Variants in PCDHB11 observed in about 807,000 individuals in gnomAD.
PCDHB11 encodes protocadherin beta 11.
For missense variants in PCDHB11, 1,151 were observed against 1,003.4 expected (o/e 1.15, Z -1.99); for synonymous variants, 522 against 442.0 (o/e 1.18, Z -2.27).
Position 141,201,223 on chromosome 5 carries a change from C to T in PCDHB11, c.1449C>T (p.Asn483=), listed in dbSNP as rs1281698776. 2.5e-6 allele frequency: 4 copies of T among 1,613,250 alleles called. No homozygotes were observed. The highest frequency in any genetic ancestry group is 3.8e-4 in the Middle Eastern group (2 of 5,270). ...CTACAGACAGAGACTCAGGCACCAACGCCCAGGTCAACTACTCGCTACTCC... is the reference window on the plus strand; with the variant it reads ...CTACAGACAGAGACTCAGGCACCAATGCCCAGGTCAACTACTCGCTACTCC... ...VSATDRDSGT[N]AQVNYSLLPP... The change falls in exon 1 of 1, where the codon AAC becomes AAT. Residue 483 remains asparagine, a synonymous_variant. Transcript: ENST00000354757.
rs201273170 is a variant in PCDHB11, at chr5:141,201,872, C to A, written c.2098C>A (p.Leu700Ile). The A allele has an allele frequency of 6.2e-7, 1 of 1,611,710 alleles. No homozygotes were observed. The highest frequency in any genetic ancestry group is 1.3e-5 in the African/African-American group (1 of 74,900). Residue 700 changes from leucine (L) to isoleucine (I), a missense_variant, in exon 1 of 1, where the codon CTC (leucine) becomes ATC (isoleucine). Physicochemically the swap from Leu to Ile is conservative, Grantham distance 5. Transcript: ENST00000354757. ...LVVALASVSS[L>I]FLFSVLLFVA... The stretch of plus-strand genomic sequence containing the variant: ...GGTGGCGTTGGCCTCGGTGTCTTCG[C>A]TCTTCCTCTTCTCGGTGCTCCTGTT...
Position 141,200,506 on chromosome 5 carries a change from G to A in PCDHB11, c.732G>A (p.Gln244=), listed in dbSNP as rs782615074. 19 of 1,614,138 alleles carry A rather than the reference G, an allele frequency of 1.2e-5. No individual in the cohort carries two copies. In the East Asian group the frequency reaches 3.6e-4, roughly 30 times the overall value. The change falls in exon 1 of 1, where the codon CAG becomes CAA. Residue 244 remains glutamine (Q), a synonymous_variant. Transcript: ENST00000354757. ...DINDNSPEFE[Q]AFYEVKIREN... ...ATGACAACTCCCCTGAATTTGAGCAGGCTTTTTATGAGGTGAAGATTCGGG... is the reference window on the plus strand; with the variant it reads ...ATGACAACTCCCCTGAATTTGAGCAAGCTTTTTATGAGGTGAAGATTCGGG...
rs782356913 is a variant in PCDHB11 at position 141,199,852 on chromosome 5, G to A, written c.78G>A (p.Ala26=). The A allele has an allele frequency of 8.1e-6, 13 of 1,614,036 alleles. No individual in the cohort carries two copies. The East Asian group carries it at 2.2e-4, about 28-fold the overall frequency. ...TTGTTTTGCTCGGAATGTCTCAGGC[G>A]GGCTCTGAAACCTGGAGCTTTTCTG... The part of the protein sequence containing the change: ...LLFVLLGMSQ[A]GSETWSFSVA... The change falls in exon 1 of 1, where the codon GCG becomes GCA. Residue 26 remains alanine (A), a synonymous_variant. Coordinates refer to ENST00000354757, the MANE Select transcript of PCDHB11 (RefSeq NM_018931.3).
rs1754114947 is a variant in PCDHB11 at position 141,199,681 on chromosome 5, A to G, written c.-94A>G. ...GACCTGGAAACCATTCAACAGGGTT[A>G]AAATCCTTAGACCACAGAGGATTTG... On this transcript the variant is annotated 5_prime_UTR_variant, in exon 1 of 1. Transcript: ENST00000354757. The G allele has an allele frequency of 1.8e-6, 2 of 1,129,194 alleles. No homozygotes were observed. The highest frequency in any genetic ancestry group is 5.2e-5 in the Admixed American group (2 of 38,760). The allele number at this position is 1,129,194 out of a possible 1,614,324, so 69.9% of individuals were successfully genotyped here.
chr5:141,201,265 C>A lies in PCDHB11; in HGVS notation c.1491C>A (p.His497Gln), dbSNP rs1554285545. 2.5e-6 allele frequency: 4 copies of A among 1,613,490 alleles called. No homozygotes were observed. In the South Asian group the frequency reaches 4.4e-5, roughly 18 times the overall value. Reference protein sequence around the residue: ...NYSLLPPQDLHLPLASLVSIN... With the variant: ...NYSLLPPQDLQLPLASLVSIN... ...CGCTACTCCCGCCCCAGGACCTGCA[C>A]CTGCCCCTCGCCTCCCTGGTCTCCA... The change falls in exon 1 of 1, where the codon CAC (histidine) becomes CAA (glutamine). Residue 497 changes from histidine (H) to glutamine (Q), a missense_variant. Physicochemically the swap from His to Gln is conservative, Grantham distance 24. Coordinates refer to ENST00000354757, the MANE Select transcript of PCDHB11 (RefSeq NM_018931.3).
In PCDHB11 at chr5:141,201,904, G is replaced by T; in HGVS notation, c.2130G>T (p.Ala710=). 1 of 1,612,642 alleles carries T rather than the reference G, an allele frequency of 6.2e-7. No individual in the cohort carries two copies. Among genetic ancestry groups the T allele is most frequent in the South Asian group, 1.1e-5 (1 of 91,018 alleles). ...LFLFSVLLFV[A]VRLCRRSRAA... is the part of the protein sequence containing the mutation. Reference sequence around the variant, plus strand: ...TCTTCTCGGTGCTCCTGTTCGTGGCGGTGCGGCTGTGCAGGAGGAGCAGGG... The same window carrying T: ...TCTTCTCGGTGCTCCTGTTCGTGGCTGTGCGGCTGTGCAGGAGGAGCAGGG... The change falls in exon 1 of 1, where the codon GCG becomes GCT. Residue 710 remains alanine (A), a synonymous_variant. Transcript: ENST00000354757.
rs367636860 is a variant in PCDHB11 at position 141,202,185 on chromosome 5, A to G, written c.*17A>G. 94 of 1,569,954 alleles carry G rather than the reference A, an allele frequency of 6.0e-5. 1 individual carries two copies. The Middle Eastern group carries it at 8.6e-4, about 14-fold the overall frequency. On this transcript the variant is annotated 3_prime_UTR_variant, in exon 1 of 1. Coordinates refer to ENST00000354757, the MANE Select transcript of PCDHB11 (RefSeq NM_018931.3). ...AATTTTTAGTAAGAATGCTATTTAC[A>G]TTTGCATGTACTTTTTTAGTTTTAT... is the stretch of plus-strand genomic sequence containing the variant.
chr5:141,200,147 G>T lies in PCDHB11; in HGVS notation c.373G>T (p.Asp125Tyr). ...QFLQIELQVR[D>Y]INDHSPIFSE... ...TTTACAAATTGAGCTTCAGGTCAGG[G>T]ATATAAATGATCACTCTCCCATCTT... The change falls in exon 1 of 1, where the codon GAT (aspartate) becomes TAT (tyrosine). Residue 125 changes from aspartate (D) to tyrosine (Y), a missense_variant. Coordinates refer to ENST00000354757, the MANE Select transcript of PCDHB11 (RefSeq NM_018931.3). 6.2e-7 allele frequency: 1 copy of T among 1,614,108 alleles called. No homozygotes were observed. Among genetic ancestry groups the T allele is most frequent in the Non-Finnish European group, 8.5e-7 (1 of 1,180,034 alleles).
chr5:141,201,362 C>T lies in PCDHB11; in HGVS notation c.1588C>T (p.Arg530Cys), dbSNP rs782123077. 5.9e-5 allele frequency: 95 copies of T among 1,612,830 alleles called. No individual in the cohort carries two copies. The highest frequency in any genetic ancestry group is 1.0e-4 in the Admixed American group (6 of 60,000). ...CGAGGCCCTGCAGGCTTTCGACTTCCGCGTGGGCGCCACAGACCGCGGCTC... is the reference window on the plus strand; with the variant it reads ...CGAGGCCCTGCAGGCTTTCGACTTCTGCGTGGGCGCCACAGACCGCGGCTC... ...DYEALQAFDF[R>C]VGATDRGSPA... Residue 530 changes from arginine to cysteine, a missense_variant, in exon 1 of 1, where the codon CGC (arginine) becomes TGC (cysteine). Arg to Cys is a radical substitution (Grantham distance 180). Coordinates refer to ENST00000354757, the MANE Select transcript of PCDHB11 (RefSeq NM_018931.3).
Position 141,199,719 on chromosome 5 carries a change from G to C in PCDHB11, c.-56G>C. ...CACAGAGGATTTGGTGGACAAGTCA[G>C]AGACGCGTTCCGCAGAGCTGAAGCC... is the stretch of plus-strand genomic sequence containing the variant. On this transcript the variant is annotated 5_prime_UTR_variant, in exon 1 of 1. Transcript: ENST00000354757. 6.7e-7 allele frequency: 1 copy of C among 1,494,926 alleles called. No individual in the cohort carries two copies. Among genetic ancestry groups the C allele is most frequent in the South Asian group, 1.2e-5 (1 of 80,750 alleles). 92.6% of individuals were successfully genotyped at this position (1,494,926 alleles called of 1,614,324 possible).
In PCDHB11 at chr5:141,201,880, C is replaced by T; in HGVS notation, c.2106C>T (p.Leu702=). 1 of 1,612,334 alleles carries T rather than the reference C, an allele frequency of 6.2e-7. No individual in the cohort carries two copies. The highest frequency in any genetic ancestry group is 8.5e-7 in the Non-Finnish European group (1 of 1,179,890). Residue 702 remains leucine, a synonymous_variant, in exon 1 of 1, where the codon CTC becomes CTT. Transcript: ENST00000354757. ...VALASVSSLF[L]FSVLLFVAVR... ...TGGCCTCGGTGTCTTCGCTCTTCCTCTTCTCGGTGCTCCTGTTCGTGGCGG... is the reference window on the plus strand; with the variant it reads ...TGGCCTCGGTGTCTTCGCTCTTCCTTTTCTCGGTGCTCCTGTTCGTGGCGG...
chr5:141,200,394 A>G lies in PCDHB11; in HGVS notation c.620A>G (p.Glu207Gly). The change falls in exon 1 of 1, where the codon GAG becomes GGG. Residue 207 changes from glutamate to glycine, a missense_variant. By Grantham distance (98) the Glu-to-Gly change is moderately conservative. Transcript: ENST00000354757. ...DKALDYEELPELSFILSALDG... is the reference protein window; with the variant it reads ...DKALDYEELPGLSFILSALDG... ...GCGCTGGATTATGAAGAGCTCCCGGAGCTCAGTTTCATCCTCTCTGCTCTG... is the reference window on the plus strand; with the variant it reads ...GCGCTGGATTATGAAGAGCTCCCGGGGCTCAGTTTCATCCTCTCTGCTCTG... The G allele has an allele frequency of 6.2e-7, 1 of 1,614,118 alleles. No individual in the cohort carries two copies. The highest frequency in any genetic ancestry group is 8.5e-7 in the Non-Finnish European group (1 of 1,180,030).
chr5:141,201,403 C>A lies in PCDHB11; in HGVS notation c.1629C>A (p.Ser543Arg), dbSNP rs782502744. ...ATDRGSPALS[S>R]EALVRVLVLD... ...ACCGCGGCTCCCCGGCTTTGAGCAG[C>A]GAGGCGCTGGTGCGCGTGCTGGTGC... The change falls in exon 1 of 1, where the codon AGC (serine) becomes AGA (arginine). Residue 543 changes from serine to arginine, a missense_variant. By Grantham distance (110) the Ser-to-Arg change is moderately radical. Transcript: ENST00000354757. 5.6e-6 allele frequency: 9 copies of A among 1,611,962 alleles called. No homozygotes were observed. In the African/African-American group the frequency reaches 1.1e-4, roughly 19 times the overall value.
At position 141,201,836 on chromosome 5, in the gene PCDHB11, G is replaced by T; in HGVS notation, c.2062G>T (p.Val688Phe). Residue 688 changes from valine to phenylalanine, a missense_variant, in exon 1 of 1, where the codon GTC becomes TTC. Val to Phe is a conservative substitution (Grantham distance 50). Coordinates refer to ENST00000354757, the MANE Select transcript of PCDHB11 (RefSeq NM_018931.3). ...CCAGGCCCAGGCCGACTCGCTCACCGTCTACTTGGTGGTGGCGTTGGCCTC... is the reference window on the plus strand; with the variant it reads ...CCAGGCCCAGGCCGACTCGCTCACCTTCTACTTGGTGGTGGCGTTGGCCTC... ...PAQAQADSLT[V>F]YLVVALASVS... 3 of 1,610,924 alleles carry T rather than the reference G, an allele frequency of 1.9e-6. No individual in the cohort carries two copies. The highest frequency in any genetic ancestry group is 2.5e-6 in the Non-Finnish European group (3 of 1,179,832).
chr5:141,200,784 T>C lies in PCDHB11; in HGVS notation c.1010T>C (p.Val337Ala), dbSNP rs1241589242. The change falls in exon 1 of 1, where the codon GTG becomes GCG. Residue 337 changes from valine (V) to alanine (A), a missense_variant. By Grantham distance (64) the Val-to-Ala change is moderately conservative. Coordinates refer to ENST00000354757, the MANE Select transcript of PCDHB11 (RefSeq NM_018931.3). ...LFGKSTVIIHVIDVNDNAPEI... is the reference protein window; with the variant it reads ...LFGKSTVIIHAIDVNDNAPEI... ...GGAAAATCTACAGTCATAATTCACG[T>C]GATAGATGTAAATGACAATGCTCCT... 1 of 1,614,100 alleles carries C rather than the reference T, an allele frequency of 6.2e-7. No homozygotes were observed. The highest frequency in any genetic ancestry group is 1.3e-5 in the African/African-American group (1 of 74,940).
Position 141,202,301 on chromosome 5 carries a change from ATTTTT to A in PCDHB11, c.*145_*149del. 1.5e-6 allele frequency: 1 copy of A among 671,386 alleles called. No homozygotes were observed. The highest frequency in any genetic ancestry group is 2.2e-6 in the Non-Finnish European group (1 of 449,098). The allele number at this position is 671,386 out of a possible 1,614,324, so 41.6% of individuals were successfully genotyped here. A position where few individuals can be genotyped will look rare whatever the true frequency, so the allele number is the denominator to read the frequency against. ...TTTTAATTTTTTCTTTTCTCCCCCAATTTTTTTTTTTTTTTTGAGACCGAGTCTCA... is the reference window on the plus strand; with the variant it reads ...TTTTAATTTTTTCTTTTCTCCCCCAATTTTTTTTTTTGAGACCGAGTCTCA... On this transcript the variant is annotated 3_prime_UTR_variant, in exon 1 of 1. Coordinates refer to ENST00000354757, the MANE Select transcript of PCDHB11 (RefSeq NM_018931.3).
chr5:141,200,283 A>T lies in PCDHB11; in HGVS notation c.509A>T (p.Tyr170Phe). Residue 170 changes from tyrosine to phenylalanine, a missense_variant, in exon 1 of 1, where the codon TAC becomes TTC. Coordinates refer to ENST00000354757, the MANE Select transcript of PCDHB11 (RefSeq NM_018931.3). ...GTAGGAATCAATGCTGTAAAAAGCT[A>T]CACAATAAGCCCCAACTCTCATTTT... is the stretch of plus-strand genomic sequence containing the variant. ...LDVGINAVKS[Y>F]TISPNSHFHI... The T allele has an allele frequency of 6.2e-7, 1 of 1,614,192 alleles. No individual in the cohort carries two copies. The highest frequency in any genetic ancestry group is 1.1e-5 in the South Asian group (1 of 91,082).
At position 141,201,774 on chromosome 5, in the gene PCDHB11, C is replaced by T; in HGVS notation, c.2000C>T (p.Ser667Phe). The T allele has an allele frequency of 6.2e-7, 1 of 1,609,612 alleles. No homozygotes were observed. The highest frequency in any genetic ancestry group is 1.3e-5 in the African/African-American group (1 of 75,000). The change falls in exon 1 of 1, where the codon TCC becomes TTC. Residue 667 changes from serine (S) to phenylalanine (F), a missense_variant. By Grantham distance (155) the Ser-to-Phe change is radical. Transcript: ENST00000354757. ...CAAGTGCTCCTGGTGGACGGCTTCT[C>T]CCAGCCCTACCTGCCGCTCCCTGAG... ...TLQVLLVDGF[S>F]QPYLPLPEAA...
rs115318407 is a variant in PCDHB11 at position 141,200,235 on chromosome 5, T to C, written c.461T>C (p.Leu154Pro). The C allele has an allele frequency of 4.3e-6, 7 of 1,614,162 alleles. No homozygotes were observed. The highest frequency in any genetic ancestry group is 1.3e-5 in the African/African-American group (1 of 75,036). ...AGTCCCGTTGGTGCTGTGTTCTTACTAGAAAGTGCGAAGGATTTAGATGTA... is the reference window on the plus strand; with the variant it reads ...AGTCCCGTTGGTGCTGTGTTCTTACCAGAAAGTGCGAAGGATTTAGATGTA... ...ENSPVGAVFLLESAKDLDVGI... is the reference protein window; with the variant it reads ...ENSPVGAVFLPESAKDLDVGI... The change falls in exon 1 of 1, where the codon CTA (leucine) becomes CCA (proline). Residue 154 changes from leucine to proline, a missense_variant. Leu to Pro is a moderately conservative substitution (Grantham distance 98). Coordinates refer to ENST00000354757, the MANE Select transcript of PCDHB11 (RefSeq NM_018931.3).
Sources: allele counts gnomAD v4.1 joint callset, GRCh38; gene constraint gnomAD v4.1.1; transcripts MANE v1.5; gene names NCBI Gene and HGNC (gene_info 2026-07-23, HGNC 2026-07-21).